The following CADM2 variants were observed in gnomAD, a reference collection of about 807,000 sequenced individuals.
CADM2 encodes the protein cell adhesion molecule 2.
Under a neutral mutation model 49.8 loss-of-function variants are expected in CADM2, and 12 were observed. That is an observed-to-expected ratio of 0.24 (90% CI 0.15 to 0.39). The LOEUF is 0.39. CADM2 is among the 10% of genes least tolerant of loss of function. The pLI, the probability that CADM2 is intolerant of heterozygous loss-of-function variation, is 1.00. For synonymous variants in CADM2, 214 were observed against 175.4 expected (o/e 1.22, Z -1.74); for missense variants, 378 against 492.3 (o/e 0.77, Z 2.20).
At chr3:85,482,782 A>G (rs571944205) in intron 1 of CADM2, among the ~76,000 whole-genome samples, 4 of 151,768 alleles carry the variant, frequency 2.6e-5, no homozygotes, top group South Asian at 2.1e-4. Context: ...TTGAAAATAT[A>G]TATATAATTT....
chr3:85,037,642 C>G (rs1264519370), intron 1 of CADM2, among the ~76,000 whole-genome samples: 2 of 152,124 alleles, frequency 1.3e-5, no homozygotes, highest in Admixed American at 6.5e-5. Context: ...GTGTGGTAGA[C>G]TTTTCTCTCC....
intron 8 of CADM2, among the ~76,000 whole-genome samples, chr3:86,041,429 A>C (rs1410434499): frequency 6.6e-6 from 1 of 152,196 alleles, no homozygotes; most frequent in Non-Finnish European, 1.5e-5. Context: ...AGGGGTTGCA[A>C]TCCTAGTCTC....
intron 1 of CADM2, among the ~76,000 whole-genome samples, chr3:85,541,025 C>T (rs189701507): frequency 1.3e-5 from 2 of 152,006 alleles, no homozygotes; most frequent in African/African-American, 4.8e-5. Flanking sequence ...AGTCATTTTG[C>T]AGGTTATGGC....
At chr3:85,448,192 G>A (rs1271898241) in intron 1 of CADM2, among the ~76,000 whole-genome samples, 1 of 151,920 alleles carries the variant, frequency 6.6e-6, no homozygotes, top group African/African-American at 2.4e-5. Context: ...AATTAGCCAG[G>A]CGTGGTGGCG....
chr3:85,945,556 A>T (rs1429787484), intron 7 of CADM2, among the ~76,000 whole-genome samples: 1 of 152,180 alleles, frequency 6.6e-6, no homozygotes, highest in Admixed American at 6.6e-5. Flanking sequence ...CAAATCCAGC[A>T]GCACAACAAA....
intron 3 of CADM2, among the ~76,000 whole-genome samples, chr3:85,870,934 A>G (rs1404520309): frequency 6.6e-6 from 1 of 152,222 alleles, no homozygotes; most frequent in Admixed American, 6.5e-5. Context: ...CAAAACTATA[A>G]AAACTCTGGA....
intron 7 of CADM2, among the ~76,000 whole-genome samples, chr3:85,940,164 CAAAAAAAAAAAA>C (rs10527231): frequency 7.9e-4 from 41 of 52,172 alleles, no homozygotes; most frequent in African/African-American, 2.1e-3. Context: ...ACTAAAAATA[CAAAAAAAAAAAA>C]AAAAAAAAAA....
intron 1 of CADM2, among the ~76,000 whole-genome samples, chr3:85,634,885 T>C (rs1343867047): frequency 1.6e-5 from 2 of 125,644 alleles, no homozygotes; most frequent in Non-Finnish European, 3.8e-5. Context: ...AAACAGAAAA[T>C]TAATTTTTTT....
At chr3:85,591,150 C>T (rs2063096789) in intron 1 of CADM2, among the ~76,000 whole-genome samples, 1 of 151,894 alleles carries the variant, frequency 6.6e-6, no homozygotes. Flanking sequence ...CAGTTTTAGT[C>T]CTTTTAAGCC....
At chr3:85,790,905 T>C (rs1261110250) in intron 2 of CADM2, among the ~76,000 whole-genome samples, 1 of 152,092 alleles carries the variant, frequency 6.6e-6, no homozygotes, top group Admixed American at 6.6e-5. Context: ...TGCTCCACAG[T>C]GGCTGGGCAG....
chr3:85,421,392 T>G (rs946619693), intron 1 of CADM2, among the ~76,000 whole-genome samples: 5 of 152,158 alleles, frequency 3.3e-5, no homozygotes, highest in African/African-American at 1.2e-4. Context: ...TGAATTTAAA[T>G]TATGGTTGTC....
At chr3:85,447,497 A>C (rs2107558563) in intron 1 of CADM2, among the ~76,000 whole-genome samples, 1 of 152,298 alleles carries the variant, frequency 6.6e-6, no homozygotes. Flanking sequence ...ACATACAGGT[A>C]GTGTATTCTG....
chr3:85,923,237 C>T (rs149452410), intron 6 of CADM2, among the ~76,000 whole-genome samples: 1 of 152,206 alleles, frequency 6.6e-6, no homozygotes, highest in Non-Finnish European at 1.5e-5. Flanking sequence ...GGTAAAAGAA[C>T]ATTGTCATAT....
intron 1 of CADM2, among the ~76,000 whole-genome samples, chr3:85,417,267 C>A (rs2107487131): frequency 6.6e-6 from 1 of 152,192 alleles, no homozygotes; most frequent in African/African-American, 2.4e-5. Context: ...ATTTACTCTA[C>A]AAAATCCTGT....
intron 1 of CADM2, among the ~76,000 whole-genome samples, chr3:85,452,579 C>A (rs1433715): frequency 0.51 from 78,101 of 151,730 alleles, 22,493 homozygotes; most frequent in East Asian, 0.82. Flanking sequence ...ACAACAACAA[C>A]AAAAAAGAGA....
chr3:85,178,884 G>A (rs2040853829), intron 1 of CADM2, among the ~76,000 whole-genome samples: 1 of 151,672 alleles, frequency 6.6e-6, no homozygotes, highest in African/African-American at 2.4e-5. Flanking sequence ...TCCTACAAAA[G>A]TAGTATAGCA....
chr3:85,285,568 G>A (rs1028075542), intron 1 of CADM2, among the ~76,000 whole-genome samples: 2 of 152,196 alleles, frequency 1.3e-5, no homozygotes, highest in African/African-American at 4.8e-5. Context: ...CATAACTCTA[G>A]TTTGAACAGC....
At chr3:85,406,166 T>C (rs1371810131) in intron 1 of CADM2, among the ~76,000 whole-genome samples, 2 of 152,050 alleles carry the variant, frequency 1.3e-5, no homozygotes, top group Non-Finnish European at 2.9e-5. Context: ...TCTATTACTG[T>C]ATTGATTATA....
At chr3:85,369,629 T>C (rs2033050619) in intron 1 of CADM2, among the ~76,000 whole-genome samples, 1 of 152,184 alleles carries the variant, frequency 6.6e-6, no homozygotes, top group Admixed American at 6.6e-5. Context: ...GAGAACTGTG[T>C]ATGTAAAAAC....
Sources: allele counts gnomAD v4.1 joint callset (sites outside exome capture counted in the v4.1 genomes callset), GRCh38; gene constraint gnomAD v4.1.1; transcripts MANE v1.5; gene names NCBI Gene and HGNC (gene_info 2026-07-23, HGNC 2026-07-21).